The following IFT172 variants were observed in gnomAD, a reference collection of about 807,000 sequenced individuals.
IFT172 encodes the protein intraflagellar transport protein 172 homolog.
In IFT172, 164 loss-of-function variants were observed where a neutral mutation model predicts 248.9. That is an observed-to-expected ratio of 0.66 (90% confidence interval 0.58 to 0.75). The LOEUF is 0.75. Among genes scored for constraint, IFT172 ranks in the 30% least tolerant of loss-of-function variants. The pLI is 0.00. For missense variants in IFT172, 1,950 were observed against 2,192.4 expected, an observed-to-expected ratio of 0.89 and a Z score of 2.21; for synonymous variants, 729 against 791.6, an observed-to-expected ratio of 0.92 and a Z score of 1.33.
rs761095604 is a variant in IFT172 at position 27,459,815 on chromosome 2, G to A, written c.2536C>T (p.Arg846Ter). The A allele has an allele frequency of 4.3e-6, 7 of 1,611,818 alleles. No homozygotes were observed. The highest frequency in any genetic ancestry group is 3.3e-5 in the South Asian group (3 of 91,088). The change falls in exon 24 of 48, where the codon CGA becomes TGA. Residue 846 changes from arginine to a stop codon, truncating the protein, a stop_gained. Coordinates refer to ENST00000260570, the MANE Select transcript of IFT172 (RefSeq NM_015662.3). LOFTEE classifies it high-confidence loss of function. ...NAFMKAVELA[R>*]LAFPVEVVKL... is the part of the protein sequence containing the mutation. The stretch of plus-strand genomic sequence containing the variant: ...ACCACCTCCACTGGGAAGGCCAATC[G>A]AGCCAGCTCTACCGCTGCCAGGGAG...
At position 27,461,073 on chromosome 2, in the gene IFT172, C is replaced by G. The variant is rs1219610636; in HGVS notation, c.2463G>C (p.Lys821Asn). ...LYERAGDLFEKIHNPQKALEC... is the reference protein window; with the variant it reads ...LYERAGDLFENIHNPQKALEC... ...CCAGGGCCTTCTGTGGATTGTGAAT[C>G]TTCTCAAAGAGATCACCTGCCTGTT... The change falls in exon 23 of 48, where the codon AAG becomes AAC. Residue 821 changes from lysine (K) to asparagine (N), a missense_variant. Lys to Asn is a moderately conservative substitution (Grantham distance 94). This residue lies in a region of IFT172 where 1,166 missense variants were observed against 1,254.1 expected (regional missense o/e 0.93). Transcript: ENST00000260570. 1.9e-6 allele frequency: 3 copies of G among 1,614,008 alleles called. No individual in the cohort carries two copies. Among genetic ancestry groups the G allele is most frequent in the Non-Finnish European group, 2.5e-6 (3 of 1,180,016 alleles).
chr2:27,467,285 T>C (rs946544387), intron 16 of IFT172, among the ~76,000 whole-genome samples: 2 of 151,122 alleles, frequency 1.3e-5, no homozygotes, highest in African/African-American at 4.9e-5. Flanking sequence ...ACAGAAATTA[T>C]CCAGAGGCCA....
At chr2:27,459,074 C>T in intron 25 of IFT172, 1 of 635,158 alleles carries the variant, frequency 1.6e-6, no homozygotes. Context: ...TCCAAAAGGG[C>T]CTCACATTTC....
chr2:27,483,638 T>G lies in IFT172; in HGVS notation c.424A>C (p.Thr142Pro), dbSNP rs1333070754. Residue 142 changes from threonine (T) to proline (P), a missense_variant, in exon 6 of 48, where the codon ACT becomes CCT. Physicochemically the swap from Thr to Pro is conservative, Grantham distance 38. Around this residue, in one of 3 missense-constraint regions of IFT172, gnomAD observed 1,166 missense variants for 1,254.1 expected, o/e 0.93. Coordinates refer to ENST00000260570, the MANE Select transcript of IFT172 (RefSeq NM_015662.3). ...EGKVRLANTKTNKSSTIYGTE... is the reference protein window; with the variant it reads ...EGKVRLANTKPNKSSTIYGTE... ...CCATAGATGGTAGATGATTTATTAG[T>G]TTTGGTGTTTGCTAAACGAACCTGA... 6.2e-7 allele frequency: 1 copy of G among 1,614,158 alleles called. No homozygotes were observed. Among genetic ancestry groups the G allele is most frequent in the Non-Finnish European group, 8.5e-7 (1 of 1,180,028 alleles).
intron 5 of IFT172, 74 bp from the exon 6 acceptor site, chr2:27,483,733 A>G (rs1668550595): frequency 6.5e-7 from 1 of 1,536,078 alleles, no homozygotes; most frequent in Non-Finnish European, 9.0e-7. Flanking sequence ...AAAAAAGGAA[A>G]AACTGTCCCA....
chr2:27,457,350 G>A (rs1451224079), intron 29 of IFT172, among the ~76,000 whole-genome samples: 1 of 152,092 alleles, frequency 6.6e-6, no homozygotes, highest in Non-Finnish European at 1.5e-5. Context: ...CAGGTGGATC[G>A]CTTGAGCCCA....
chr2:27,463,917 C>G (rs1666883256), intron 18 of IFT172, among the ~76,000 whole-genome samples: 2 of 152,106 alleles, frequency 1.3e-5, no homozygotes, highest in South Asian at 2.1e-4. Flanking sequence ...CAAAAAACTT[C>G]AGGGCTAAGG....
In IFT172 at chr2:27,472,240, C is replaced by T. The variant is rs540071925; in HGVS notation, c.1524+10G>A. 4.4e-6 allele frequency: 7 copies of T among 1,604,278 alleles called. No individual in the cohort carries two copies. The highest frequency in any genetic ancestry group is 1.7e-4 in the Middle Eastern group (1 of 6,016). On this transcript the variant is annotated intron_variant, in intron 15 of 47. Transcript: ENST00000260570. ...CAGCCAATGCCTAAGGCCTTAGTAG[C>T]TCTTCTCACACGAAGTTTCCGGTCC...
chr2:27,461,737 G>A (rs1167785486), intron 21 of IFT172, 22 bp downstream of exon 21: 1 of 1,613,838 alleles, frequency 6.2e-7, no homozygotes, highest in African/African-American at 1.3e-5. Flanking sequence ...CTGAACAACT[G>A]TGGAGAAGAT....
intron 1 of IFT172, among the ~76,000 whole-genome samples, chr2:27,486,770 A>T (rs573050601): frequency 1.3e-5 from 2 of 152,304 alleles, no homozygotes; most frequent in East Asian, 3.9e-4. Flanking sequence ...GCATCATGAC[A>T]TCATCTTATT....
At chr2:27,486,873 T>G (rs931818409) in intron 1 of IFT172, among the ~76,000 whole-genome samples, 2 of 152,202 alleles carry the variant, frequency 1.3e-5, no homozygotes, top group African/African-American at 4.8e-5. Flanking sequence ...TGCTGAGCAA[T>G]GAGCACAAAT....
chr2:27,458,947 G>T, intron 25 of IFT172, 79 bp from the exon 26 acceptor site: 1 of 1,479,136 alleles, frequency 6.8e-7, no homozygotes. Context: ...AACAAACCTT[G>T]GCTGGGATGG....
chr2:27,483,239 A>T lies in IFT172; in HGVS notation c.570+50T>A, dbSNP rs1441985761. 4.7e-6 allele frequency: 5 copies of T among 1,054,432 alleles called. No homozygotes were observed. The African/African-American group carries it at 7.9e-5, about 17-fold the overall frequency. The allele number at this position is 1,054,432 out of a possible 1,614,324, so 65.3% of individuals were successfully genotyped here. A position where few individuals can be genotyped will look rare whatever the true frequency, so the allele number is the denominator to read the frequency against. ...ACTGTGTTGCCCATGCTGGTCTCAA[A>T]CTCCTGGACTCAAGCAATCCAAGCC... On this transcript the variant is annotated intron_variant, in intron 7 of 47. Transcript: ENST00000260570.
intron 40 of IFT172, 75 bp downstream of exon 40, chr2:27,448,840 C>T (rs1342945552): frequency 1.3e-6 from 1 of 793,514 alleles, no homozygotes; most frequent in African/African-American, 1.7e-5. Flanking sequence ...GAAGATAGTT[C>T]CTGAGAAGAT....
intron 7 of IFT172, among the ~76,000 whole-genome samples, chr2:27,481,463 A>C (rs1285087276): frequency 6.6e-6 from 1 of 151,424 alleles, no homozygotes; most frequent in African/African-American, 2.4e-5. Context: ...ATACACACAC[A>C]CACACACCCC....
Position 27,463,222 on chromosome 2 carries a change from T to C in IFT172, c.1938-41A>G. ...AATAACATTAATAGTAATATTATTATAGAATCATCATTAATTCATTGGTTC... is the reference window on the plus strand; with the variant it reads ...AATAACATTAATAGTAATATTATTACAGAATCATCATTAATTCATTGGTTC... On this transcript the variant is annotated intron_variant, in intron 18 of 47. Transcript: ENST00000260570. The C allele has an allele frequency of 3.3e-6, 5 of 1,533,312 alleles. No individual in the cohort carries two copies. In the South Asian group the frequency reaches 4.5e-5, roughly 14 times the overall value. The allele number at this position is 1,533,312 out of a possible 1,614,324, so 95.0% of individuals were successfully genotyped here. A position where few individuals can be genotyped will look rare whatever the true frequency, so the allele number is the denominator to read the frequency against.
Position 27,461,867 on chromosome 2 carries a change from A to G in IFT172, c.2116-31T>C, listed in dbSNP as rs780107. The G allele has an allele frequency of 0.4, 648,052 of 1,611,578 alleles. 136,450 individuals carry two copies. The highest frequency in any genetic ancestry group is 0.67 in the African/African-American group (50,220 of 74,864). ...GGAAACAGGCAGAGCAGAGAGGGAC[A>G]CCAGAAAGATATGAGGATCAGAAAG... is the stretch of plus-strand genomic sequence containing the variant. On this transcript the variant is annotated intron_variant, in intron 20 of 47. Coordinates refer to ENST00000260570, the MANE Select transcript of IFT172 (RefSeq NM_015662.3).
chr2:27,475,762 C>T (rs115495651), intron 14 of IFT172, among the ~76,000 whole-genome samples: 1,623 of 150,062 alleles, frequency 0.011, 30 homozygotes, highest in African/African-American at 0.038. Context: ...GATGGTTTGA[C>T]TCTAGAGTCC....
intron 7 of IFT172, among the ~76,000 whole-genome samples, 188 bp from the exon 8 acceptor site, chr2:27,481,448 CACACAT>C (rs1367927729): frequency 4.7e-5 from 7 of 149,680 alleles, no homozygotes; most frequent in African/African-American, 1.7e-4. Context: ...CACACACACA[CACACAT>C]ACACACACAC....
Sources: gnomAD v4.1 joint callset for allele counts (sites outside exome capture counted in the v4.1 genomes callset) on GRCh38, gnomAD v4.1.1 for gene constraint, gnomAD v4.1.1 regional missense constraint, MANE v1.5 for transcripts, NCBI Gene and HGNC (gene_info 2026-07-23, HGNC 2026-07-21) for gene names.